TGM1: variants seen among roughly 807,000 people sequenced by gnomAD.
TGM1 encodes the protein protein-glutamine gamma-glutamyltransferase K.
In TGM1, 63 loss-of-function variants were observed where a neutral mutation model predicts 88.7. The ratio of observed to expected loss-of-function variants is 0.71; its 90% CI spans 0.58 to 0.88. The LOEUF is 0.88. Among genes scored for constraint, TGM1 ranks in the 40% least tolerant of loss-of-function variants. The pLI is 0.00. For missense variants in TGM1, 996 were observed against 1,118.0 expected (o/e 0.89, Z 1.56); for synonymous variants, 415 against 431.1 (o/e 0.96, Z 0.46).
chr14:24,249,804 C>A (rs2040685925), intron 14 of TGM1, among the ~76,000 whole-genome samples: 1 of 152,154 alleles, frequency 6.6e-6, no homozygotes, highest in Non-Finnish European at 1.5e-5. Flanking sequence ...TCCACCTGGA[C>A]AAAGACTGCT....
At chr14:24,251,948 A>G (rs2040704597) in intron 14 of TGM1, among the ~76,000 whole-genome samples, 1 of 152,198 alleles carries the variant, frequency 6.6e-6, no homozygotes, top group Non-Finnish European at 1.5e-5. Flanking sequence ...CTCTGAGGGA[A>G]ATTCCCAGGA....
chr14:24,253,625 C>A (rs2040719308), intron 14 of TGM1, among the ~76,000 whole-genome samples: 1 of 152,130 alleles, frequency 6.6e-6, no homozygotes, highest in Non-Finnish European at 1.5e-5. Flanking sequence ...ACAACAGGCG[C>A]ACAGCACCAA....
At chr14:24,262,614 C>T (rs751452744) in intron 1 of TGM1, among the ~76,000 whole-genome samples, 3 of 152,192 alleles carry the variant, frequency 2.0e-5, no homozygotes, top group Non-Finnish European at 4.4e-5. Context: ...ATGAAGAAAC[C>T]CACTCAACGA....
rs1158480309 is a variant in TGM1, at chr14:24,250,148, C to CTGTGTGTGTG, written c.2226-617_2226-608dup. 7.7e-5 allele frequency among the ~76,000 whole-genome samples: 11 copies of CTGTGTGTGTG among 143,072 alleles called. 1 individual carries two copies. In the East Asian group the frequency reaches 1.1e-3, roughly 14 times the overall value. 93.9% of individuals were successfully genotyped at this position (143,072 alleles called of 152,430 possible). ...TAAATGGACATAAACCCTTATGTCT[C>CTGTGTGTGTG]TGTGTGTGTGTGTGTGTGTGTGTGT... On this transcript the variant is annotated intron_variant, in intron 14 of 14. Transcript: ENST00000206765.
Position 24,256,005 on chromosome 14 carries a change from G to C in TGM1, c.1475C>G (p.Pro492Arg). 1 of 1,564,698 alleles carries C rather than the reference G, an allele frequency of 6.4e-7. No homozygotes were observed. The highest frequency in any genetic ancestry group is 8.7e-7 in the Non-Finnish European group (1 of 1,153,380). The change falls in exon 10 of 15, where the codon CCT becomes CGT. Residue 492 changes from proline (P) to arginine (R), a missense_variant. By Grantham distance (103) the Pro-to-Arg change is moderately radical (BLOSUM62 -2). Transcript: ENST00000206765. ...NGLVYMKYDT[P>R]FIFAEVNSDK... is the part of the protein sequence containing the mutation. ...AGCCCTCACCTCAGCAAAAATGAAA[G>C]GCGTGTCGTACTTCATGTAGACCAG...
chr14:24,260,177 C>T lies in TGM1; in HGVS notation c.758-119G>A, dbSNP rs1355419979. 4.9e-6 allele frequency: 5 copies of T among 1,022,644 alleles called. No homozygotes were observed. In the East Asian group the frequency reaches 9.6e-5, roughly 20 times the overall value. The allele number at this position is 1,022,644 out of a possible 1,614,324, so 63.3% of individuals were successfully genotyped here. A position where few individuals can be genotyped will look rare whatever the true frequency, so the allele number is the denominator to read the frequency against. ...AAGAAAATGCGGGGATGCCCCTAGC[C>T]TGACAGGACTGCTGTGGGAGGACAC... On this transcript the variant is annotated intron_variant, in intron 4 of 14. Coordinates refer to ENST00000206765, the MANE Select transcript of TGM1 (RefSeq NM_000359.3).
chr14:24,258,466 G>T, intron 8 of TGM1, 69 bp downstream of exon 8: 7 of 1,514,778 alleles, frequency 4.6e-6, no homozygotes, highest in Non-Finnish European at 6.4e-6. Context: ...CCCCAGCCCT[G>T]CCCACCCTCC....
At chr14:24,261,273 T>C (rs1566380526) in intron 3 of TGM1, among the ~76,000 whole-genome samples, 1 of 151,936 alleles carries the variant, frequency 6.6e-6, no homozygotes, top group Admixed American at 6.6e-5. Flanking sequence ...GCACCTGCCT[T>C]GGGTCATGGG....
At chr14:24,260,908 A>G (rs2040803668) in intron 3 of TGM1, among the ~76,000 whole-genome samples, 1 of 152,318 alleles carries the variant, frequency 6.6e-6, no homozygotes, top group African/African-American at 2.4e-5. Flanking sequence ...CCGCAGTCCA[A>G]CATCCCAAAC....
chr14:24,258,996 G>A (rs2040781800), intron 7 of TGM1, 79 bp downstream of exon 7: 1 of 1,548,230 alleles, frequency 6.5e-7, no homozygotes, highest in Non-Finnish European at 8.9e-7. Context: ...AGCCACATCT[G>A]GGCAGGGCTG....
Position 24,254,964 on chromosome 14 carries a change from G to A in TGM1, c.1927+8C>T. ...TCCAGGGGGCAGGGCTGGGTAAGGA[G>A]CACTTACAGGCCCCTGGTGCCAGCT... On this transcript the variant is annotated splice_region_variant and intron_variant, in intron 12 of 14. Coordinates refer to ENST00000206765, the MANE Select transcript of TGM1 (RefSeq NM_000359.3). The A allele has an allele frequency of 6.2e-7, 1 of 1,613,626 alleles. No homozygotes were observed. Among genetic ancestry groups the A allele is most frequent in the Non-Finnish European group, 8.5e-7 (1 of 1,180,010 alleles).
Position 24,260,802 on chromosome 14 carries a change from G to A in TGM1, c.509-104C>T. Reference sequence around the variant, plus strand: ...ACCCACAATGTGTATGAGCCACTGTGTATGTCCCTACGTTGGGCCATCACC... The same window carrying A: ...ACCCACAATGTGTATGAGCCACTGTATATGTCCCTACGTTGGGCCATCACC... On this transcript the variant is annotated intron_variant, in intron 3 of 14. Transcript: ENST00000206765. 5.4e-6 allele frequency: 8 copies of A among 1,487,436 alleles called. No homozygotes were observed. The South Asian group carries it at 9.2e-5, about 17-fold the overall frequency. 92.1% of individuals were successfully genotyped at this position (1,487,436 alleles called of 1,614,324 possible).
rs774039917 is a variant in TGM1, at chr14:24,259,126, A to G, written c.1108T>C (p.Tyr370His). Reference protein sequence around the residue: ...EILLSYLRTGYSVPYGQCWVF... With the variant: ...EILLSYLRTGHSVPYGQCWVF... ...CAGCACTGGCCATAGGGGACGGAATATCCCGTGCGTAGGTAGCTAAGCAGG... is the reference window on the plus strand; with the variant it reads ...CAGCACTGGCCATAGGGGACGGAATGTCCCGTGCGTAGGTAGCTAAGCAGG... The change falls in exon 7 of 15, where the codon TAT becomes CAT. Residue 370 changes from tyrosine (Y) to histidine (H), a missense_variant. Transcript: ENST00000206765. This position sits in a 1 kb window ranked among gnomAD's most constrained non-coding sequence, Gnocchi z 5.7. The G allele has an allele frequency of 1.9e-6, 3 of 1,614,130 alleles. No homozygotes were observed. Among genetic ancestry groups the G allele is most frequent in the Non-Finnish European group, 1.7e-6 (2 of 1,180,006 alleles).
intron 9 of TGM1, 34 bp from the exon 10 acceptor site, chr14:24,256,111 T>C: frequency 6.5e-7 from 1 of 1,527,852 alleles, no homozygotes; most frequent in South Asian, 1.2e-5. Flanking sequence ...GCAAGAGATC[T>C]GAGAAGGCGG....
chr14:24,262,314 A>C lies in TGM1; in HGVS notation c.39T>G (p.Gly13=). ...TGGTAGGGGGCTGCAAGGGGTTGCC[A>C]CCCCAACGGCCCACATCGGAACGTG... The part of the protein sequence containing the change: ...DGPRSDVGRW[G]GNPLQPPTTP... The change falls in exon 2 of 15, where the codon GGT becomes GGG. Residue 13 remains glycine (G), a synonymous_variant. Coordinates refer to ENST00000206765, the MANE Select transcript of TGM1 (RefSeq NM_000359.3). 6.2e-7 allele frequency: 1 copy of C among 1,613,588 alleles called. No homozygotes were observed. Among genetic ancestry groups the C allele is most frequent in the Non-Finnish European group, 8.5e-7 (1 of 1,180,004 alleles).
At chr14:24,262,436 T>G (rs2040822138) in intron 1 of TGM1, 82 bp from the exon 2 acceptor site, 2 of 1,454,750 alleles carry the variant, frequency 1.4e-6, no homozygotes, top group South Asian at 1.2e-5. Context: ...AGACAGCTGA[T>G]TCAGTCCCAC....
At chr14:24,257,078 C>T (rs779436706) in intron 9 of TGM1, among the ~76,000 whole-genome samples, 4 of 152,238 alleles carry the variant, frequency 2.6e-5, no homozygotes, top group African/African-American at 4.8e-5. Context: ...ATGTCCACCC[C>T]ACCACTTCCC....
intron 8 of TGM1, 31 bp from the exon 9 acceptor site, chr14:24,258,419 G>C: frequency 6.2e-7 from 1 of 1,611,054 alleles, no homozygotes; most frequent in Non-Finnish European, 8.5e-7. Flanking sequence ...GGCTGGGTCT[G>C]AGCCCCAGGG....
At chr14:24,249,779 C>T (rs1396708122) in intron 14 of TGM1, among the ~76,000 whole-genome samples, 1 of 152,126 alleles carries the variant, frequency 6.6e-6, no homozygotes, top group East Asian at 1.9e-4. Context: ...GGACTCCTCC[C>T]TCCCTGCTCC....
Sources: allele counts gnomAD v4.1 joint callset (sites outside exome capture counted in the v4.1 genomes callset), GRCh38; gene constraint gnomAD v4.1.1; non-coding constraint Gnocchi (gnomAD v3.1); transcripts MANE v1.5; gene names NCBI Gene and HGNC (gene_info 2026-07-23, HGNC 2026-07-21).